Variants in FRMD4B observed in about 807,000 individuals in gnomAD.
FRMD4B encodes FERM domain-containing protein 4B.
FRMD4B carries 74 observed loss-of-function variants against 141.5 expected under a neutral mutation model. That is an observed-to-expected ratio of 0.52 (90% CI 0.43 to 0.63). The LOEUF (loss-of-function observed/expected upper bound fraction) is 0.63, where lower values mean the gene tolerates loss of function less well. Among genes scored for constraint, FRMD4B ranks in the 30% least tolerant of loss-of-function variants. FRMD4B has a pLI of 0.00. For synonymous variants in FRMD4B, 506 were observed against 467.9 expected (o/e 1.08, Z -1.05); for missense variants, 1,366 against 1,253.4 (o/e 1.09, Z -1.36).
chr3:69,522,653 C>T (rs1279878474), intron 1 of FRMD4B, among the ~76,000 whole-genome samples: 2 of 152,100 alleles, frequency 1.3e-5, no homozygotes, highest in Non-Finnish European at 2.9e-5. Context: ...TATGCATGTC[C>T]AAGCTAAAGC....
At chr3:69,483,789 CTT>C (rs1706169635) in intron 1 of FRMD4B, among the ~76,000 whole-genome samples, 1 of 152,152 alleles carries the variant, frequency 6.6e-6, no homozygotes, top group African/African-American at 2.4e-5. Flanking sequence ...AAATGGAAGA[CTT>C]AATTTCCATT....
intron 1 of FRMD4B, among the ~76,000 whole-genome samples, chr3:69,448,429 T>TA (rs943366660): frequency 2.0e-5 from 3 of 152,226 alleles, no homozygotes; most frequent in African/African-American, 7.2e-5. Context: ...TTTAATTTTA[T>TA]AAAAAACTGA....
chr3:69,394,394 C>T lies in FRMD4B; in HGVS notation c.-1+38240G>A, dbSNP rs917054908. On this transcript the variant is annotated intron_variant, in intron 2 of 5. Transcript: ENST00000459638. ...GGAAGACAAAACTTTCAGTCCATAGCGGGCATGGATGGTTCTAGGATGTGT... is the reference window on the plus strand; with the variant it reads ...GGAAGACAAAACTTTCAGTCCATAGTGGGCATGGATGGTTCTAGGATGTGT... Among the ~76,000 whole-genome samples the T allele has an allele frequency of 6.6e-5, 10 of 152,202 alleles. No homozygotes were observed. The East Asian group carries it at 1.2e-3, about 18-fold the overall frequency.
chr3:69,293,583 A>T (rs1379435904), intron 4 of FRMD4B, among the ~76,000 whole-genome samples: 1 of 152,068 alleles, frequency 6.6e-6, no homozygotes, highest in Non-Finnish European at 1.5e-5. Context: ...AACAACCAGA[A>T]TAAAAATTCC....
rs185551804 is a variant in FRMD4B, at chr3:69,191,320, T to C, written c.1715-1368A>G. 2.0e-5 allele frequency among the ~76,000 whole-genome samples: 3 copies of C among 152,254 alleles called. No homozygotes were observed. In the East Asian group the frequency reaches 5.8e-4, roughly 29 times the overall value. Reference sequence around the variant, plus strand: ...CTGTAATCCCAGCTATTTGGGAGGCTGAGGCAGGAGAATTGCTTGAACCTG... The same window carrying C: ...CTGTAATCCCAGCTATTTGGGAGGCCGAGGCAGGAGAATTGCTTGAACCTG... On this transcript the variant is annotated intron_variant, in intron 17 of 22. Coordinates refer to ENST00000398540, the MANE Select transcript of FRMD4B (RefSeq NM_015123.3).
intron 1 of FRMD4B, among the ~76,000 whole-genome samples, chr3:69,384,026 C>G (rs1365004615): frequency 6.6e-6 from 1 of 151,790 alleles, no homozygotes; most frequent in African/African-American, 2.4e-5. Flanking sequence ...CCTCAAACTC[C>G]TGGGCTCAAG....
chr3:69,437,944 CAT>C (rs1262072382), intron 1 of FRMD4B, among the ~76,000 whole-genome samples: 7 of 120,826 alleles, frequency 5.8e-5, no homozygotes, highest in South Asian at 5.0e-4. Context: ...TACTATATAA[CAT>C]ATACTAATAT....
chr3:69,277,722 G>A (rs952926993), intron 5 of FRMD4B, among the ~76,000 whole-genome samples: 9 of 151,736 alleles, frequency 5.9e-5, no homozygotes, highest in African/African-American at 2.2e-4. Flanking sequence ...AGTAGAGACC[G>A]GGTTTCACCA....
intron 2 of FRMD4B, among the ~76,000 whole-genome samples, chr3:69,312,398 C>CA (rs1701628572): frequency 6.6e-6 from 1 of 152,204 alleles, no homozygotes; most frequent in Non-Finnish European, 1.5e-5. Flanking sequence ...GGCAAAGCTA[C>CA]TGTTGACTGT....
At chr3:69,535,981 G>C (rs7610075) in intron 1 of FRMD4B, 118,631 of 383,960 alleles carry the variant, frequency 0.31, 20,988 homozygotes, top group African/African-American at 0.57. Flanking sequence ...CTGCTGCCTC[G>C]GGCCTTTGCC....
At chr3:69,535,981 G>T (rs7610075) in intron 1 of FRMD4B, 63,478 of 384,158 alleles carry the variant, frequency 0.17, 5,598 homozygotes, top group South Asian at 0.22. Context: ...CTGCTGCCTC[G>T]GGCCTTTGCC....
At chr3:69,304,506 CAG>C (rs1701329627) in intron 3 of FRMD4B, among the ~76,000 whole-genome samples, 1 of 123,748 alleles carries the variant, frequency 8.1e-6, no homozygotes, top group Admixed American at 8.3e-5. Context: ...AAAAAAAAAA[CAG>C]TACAGGGCTG....
intron 2 of FRMD4B, among the ~76,000 whole-genome samples, chr3:69,425,403 GA>G (rs1456340669): frequency 2.0e-5 from 3 of 152,188 alleles, no homozygotes; most frequent in Non-Finnish European, 2.9e-5. Flanking sequence ...ACTCTCACCT[GA>G]AACTAGTGCT....
At chr3:69,433,809 A>AC (rs1273219124) in intron 1 of FRMD4B, among the ~76,000 whole-genome samples, 1 of 152,194 alleles carries the variant, frequency 6.6e-6, no homozygotes, top group Non-Finnish European at 1.5e-5. Context: ...TTTGGGTAGT[A>AC]CTAAGATCAG....
At chr3:69,349,052 A>G (rs1438996056) in intron 1 of FRMD4B, among the ~76,000 whole-genome samples, 2 of 152,242 alleles carry the variant, frequency 1.3e-5, no homozygotes, top group African/African-American at 4.8e-5. Flanking sequence ...TGCATATGAC[A>G]TGATTGTATA....
chr3:69,514,873 C>T (rs1273440865), intron 1 of FRMD4B, among the ~76,000 whole-genome samples: 2 of 151,966 alleles, frequency 1.3e-5, no homozygotes, highest in African/African-American at 4.8e-5. Context: ...TCCTAAAATT[C>T]CTATGGATTC....
chr3:69,189,986 G>GTATAAA, intron 17 of FRMD4B, 34 bp from the exon 18 acceptor site: 1 of 1,285,778 alleles, frequency 7.8e-7, no homozygotes, highest in Non-Finnish European at 1.1e-6. Flanking sequence ...TAGTACAATT[G>GTATAAA]TGCATTTATA....
At chr3:69,499,465 G>T (rs542411257) in intron 1 of FRMD4B, among the ~76,000 whole-genome samples, 8 of 152,288 alleles carry the variant, frequency 5.3e-5, no homozygotes, top group African/African-American at 1.7e-4. Flanking sequence ...TTTTGCATGG[G>T]AGCTGATAGG....
chr3:69,196,870 G>C (rs1257497555), intron 13 of FRMD4B, 30 bp downstream of exon 13: 1 of 1,550,952 alleles, frequency 6.4e-7, no homozygotes, highest in Admixed American at 1.7e-5. Flanking sequence ...AGGGGAATCT[G>C]TCCCTATAGA....
Sources: allele counts gnomAD v4.1 joint callset (sites outside exome capture counted in the v4.1 genomes callset), GRCh38; gene constraint gnomAD v4.1.1; transcripts MANE v1.5; gene names NCBI Gene and HGNC (gene_info 2026-07-23, HGNC 2026-07-21).